THEMIS: variants seen among roughly 807,000 people sequenced by gnomAD.
THEMIS encodes the protein thymocyte selection associated, also known as protein THEMIS.
Under a neutral mutation model 52.6 loss-of-function variants are expected in THEMIS, and 37 were observed. That is an observed-to-expected ratio of 0.70 (90% CI 0.54 to 0.93). The LOEUF is 0.93. Among genes scored for constraint, THEMIS ranks in the 40% least tolerant of loss-of-function variants. The pLI is 0.00. For missense variants in THEMIS, 808 were observed against 763.1 expected, an observed-to-expected ratio of 1.06 and a Z score of -0.69; for synonymous variants, 292 against 272.7, an observed-to-expected ratio of 1.07 and a Z score of -0.70.
chr6:127,764,007 A>C (rs1042504541), intron 4 of THEMIS, among the ~76,000 whole-genome samples: 1 of 151,938 alleles, frequency 6.6e-6, no homozygotes, highest in Non-Finnish European at 1.5e-5. Context: ...AATCTGGTTT[A>C]ATTAGATGTA....
intron 1 of THEMIS, among the ~76,000 whole-genome samples, chr6:127,863,104 G>A (rs1259456916): frequency 6.6e-6 from 1 of 152,080 alleles, no homozygotes; most frequent in African/African-American, 2.4e-5. Context: ...ATTTATTCCA[G>A]GTCAGCTGTC....
intron 1 of THEMIS, among the ~76,000 whole-genome samples, chr6:127,913,943 T>C (rs1372416693): frequency 6.6e-6 from 1 of 152,144 alleles, no homozygotes; most frequent in Non-Finnish European, 1.5e-5. Context: ...TTATACAGGT[T>C]GAGAATTTAT....
At chr6:127,894,003 A>G (rs1402129848) in intron 1 of THEMIS, among the ~76,000 whole-genome samples, 1 of 152,124 alleles carries the variant, frequency 6.6e-6, no homozygotes, top group Non-Finnish European at 1.5e-5. Flanking sequence ...TAATACAGTA[A>G]AAAGATGTAA....
At chr6:127,779,238 T>C (rs1195639293) in intron 4 of THEMIS, among the ~76,000 whole-genome samples, 2 of 152,194 alleles carry the variant, frequency 1.3e-5, no homozygotes, top group Non-Finnish European at 2.9e-5. Flanking sequence ...CCCTTCTCCC[T>C]GACTGATCCT....
intron 4 of THEMIS, among the ~76,000 whole-genome samples, chr6:127,773,487 T>A (rs1256329293): frequency 6.6e-6 from 1 of 152,236 alleles, no homozygotes; most frequent in Non-Finnish European, 1.5e-5. Flanking sequence ...AATTATCTGT[T>A]TTCCTATGAC....
chr6:127,856,347 A>G (rs1037239567), intron 1 of THEMIS, among the ~76,000 whole-genome samples: 28 of 152,102 alleles, frequency 1.8e-4, no homozygotes, highest in African/African-American at 6.7e-4. Context: ...CCAATAGGTA[A>G]CAGGGCACAC....
At chr6:127,809,944 A>G (rs1403653891) in intron 4 of THEMIS, among the ~76,000 whole-genome samples, 1 of 151,434 alleles carries the variant, frequency 6.6e-6, no homozygotes, top group African/African-American at 2.4e-5. Context: ...ACAGCTCCTT[A>G]CAAACTCCAG....
At chr6:127,848,624 G>T (rs1162766768) in intron 2 of THEMIS, among the ~76,000 whole-genome samples, 1 of 152,116 alleles carries the variant, frequency 6.6e-6, no homozygotes, top group African/African-American at 2.4e-5. Context: ...ATTCTAACTG[G>T]TGTGAGATGG....
At chr6:127,880,570 T>TG (rs1491168510) in intron 1 of THEMIS, among the ~76,000 whole-genome samples, 1 of 84,658 alleles carries the variant, frequency 1.2e-5, no homozygotes, top group Admixed American at 1.1e-4. Flanking sequence ...AAAAGACAAA[T>TG]TAAAAAAAAA....
intron 1 of THEMIS, among the ~76,000 whole-genome samples, chr6:127,875,054 A>C (rs553964517): frequency 6.6e-6 from 1 of 152,230 alleles, no homozygotes. Flanking sequence ...TGTGCTCCTT[A>C]TAAGAATCTA....
intron 1 of THEMIS, among the ~76,000 whole-genome samples, chr6:127,897,337 A>G (rs922880372): frequency 1.6e-4 from 24 of 151,646 alleles, no homozygotes; most frequent in African/African-American, 5.8e-4. Flanking sequence ...CACAATTTTG[A>G]AAATAAAATA....
chr6:127,917,184 G>A (rs1362952235), intron 1 of THEMIS, among the ~76,000 whole-genome samples: 1 of 152,164 alleles, frequency 6.6e-6, no homozygotes, highest in Admixed American at 6.6e-5. Flanking sequence ...ACAAACTATA[G>A]CAGAAAGATT....
chr6:127,828,656 C>A (rs998007987), intron 3 of THEMIS, among the ~76,000 whole-genome samples: 1 of 152,106 alleles, frequency 6.6e-6, no homozygotes, highest in Admixed American at 6.5e-5. Flanking sequence ...ATGAAGATTG[C>A]ATATTAAAAC....
At position 127,738,782 on chromosome 6, in the gene THEMIS, T is replaced by C. The variant is rs538363652; in HGVS notation, c.1759-18959A>G. On this transcript the variant is annotated intron_variant, in intron 4 of 5. Transcript: ENST00000368248. ...GTTAAATAACTCATGAGAGGTTTTC[T>C]GTCTAGGACATTTCTGTACAATTTC... Among the ~76,000 whole-genome samples the C allele has an allele frequency of 3.9e-4, 59 of 152,328 alleles. 1 individual carries two copies. The South Asian group carries it at 0.012, about 31-fold the overall frequency.
chr6:127,870,981 A>C (rs1780139749), intron 1 of THEMIS, among the ~76,000 whole-genome samples: 1 of 152,166 alleles, frequency 6.6e-6, no homozygotes. Flanking sequence ...CAACATCATC[A>C]AACAACATAA....
intron 2 of THEMIS, among the ~76,000 whole-genome samples, chr6:127,830,637 G>A (rs184647209): frequency 4.7e-4 from 71 of 151,834 alleles, no homozygotes; most frequent in Non-Finnish European, 9.3e-4. Flanking sequence ...AGTGAGCCAC[G>A]ATCACTCCAC....
chr6:127,713,712 T>A (rs1360652182), intron 5 of THEMIS, among the ~76,000 whole-genome samples: 1 of 151,854 alleles, frequency 6.6e-6, no homozygotes, highest in Admixed American at 6.6e-5. Context: ...TTATGCCATT[T>A]AGATAAAATA....
intron 4 of THEMIS, among the ~76,000 whole-genome samples, chr6:127,731,864 A>ATTTTTGTTTTTTTTTTTTTTTTTT (rs1774813845): frequency 2.4e-5 from 1 of 41,704 alleles, no homozygotes; most frequent in Non-Finnish European, 3.8e-5. Context: ...TGCCCGGCTA[A>ATTTTTGTTTTTTTTTTTTTTTTTT]TTTTTTTTTT....
At chr6:127,906,843 G>T (rs1781281298) in intron 1 of THEMIS, among the ~76,000 whole-genome samples, 2 of 151,422 alleles carry the variant, frequency 1.3e-5, no homozygotes, top group African/African-American at 2.4e-5. Flanking sequence ...AAAAGAAAAA[G>T]AAAAGAAAAA....
Sources: allele counts gnomAD v4.1 joint callset (sites outside exome capture counted in the v4.1 genomes callset), GRCh38; gene constraint gnomAD v4.1.1; transcripts MANE v1.5; gene names NCBI Gene and HGNC (gene_info 2026-07-23, HGNC 2026-07-21).